Variants in CCDC88C observed in about 807,000 individuals in gnomAD.
CCDC88C encodes coiled-coil and HOOK domain protein 88C.
A neutral mutation model predicts 198.8 loss-of-function variants in CCDC88C; 131 were observed. The observed-to-expected ratio is 0.66, with a 90% CI of 0.57 to 0.76. The LOEUF is 0.76. Ranked by LOEUF, CCDC88C falls within the 30% of genes least tolerant of loss-of-function variation. The pLI is 0.00. For missense variants in CCDC88C, 2,553 were observed against 2,631.6 expected, an observed-to-expected ratio of 0.97 and a Z score of 0.65; for synonymous variants, 1,166 against 1,114.7, an observed-to-expected ratio of 1.05 and a Z score of -0.92.
In CCDC88C at chr14:91,338,536, G is replaced by T. The variant is rs760256583; in HGVS notation, c.844C>A (p.His282Asn). Residue 282 changes from histidine (H) to asparagine (N), a missense_variant, in exon 9 of 30, where the codon CAT (histidine) becomes AAT (asparagine). By Grantham distance (68) the His-to-Asn change is moderately conservative. Transcript: ENST00000389857. This position sits in a 1 kb window ranked among gnomAD's most constrained non-coding sequence, Gnocchi z 4.8. Reference sequence around the variant, plus strand: ...TCCAGCACCAGCTGGTCCACCTCATGTCTGGTGTCCACAAGCTGCTCTGTC... The same window carrying T: ...TCCAGCACCAGCTGGTCCACCTCATTTCTGGTGTCCACAAGCTGCTCTGTC... ...DKTEQLVDTR[H>N]EVDQLVLELQ... The T allele has an allele frequency of 1.7e-5, 27 of 1,572,812 alleles. No individual in the cohort carries two copies. The highest frequency in any genetic ancestry group is 5.9e-5 in the South Asian group (5 of 85,158).
At chr14:91,378,686 T>A (rs1884606183) in intron 3 of CCDC88C, 1 of 152,292 alleles carries the variant, frequency 6.6e-6, no homozygotes. Flanking sequence ...TCCTAGAGAG[T>A]ACAGTCATTG....
intron 3 of CCDC88C, among the ~76,000 whole-genome samples, chr14:91,399,098 G>A (rs1279186117): frequency 6.6e-6 from 1 of 152,144 alleles, no homozygotes; most frequent in African/African-American, 2.4e-5. Context: ...CATGTGCTCT[G>A]CCCAGCCCTA....
intron 3 of CCDC88C, chr14:91,384,361 G>T (rs149566248): frequency 2.0e-4 from 81 of 411,380 alleles, no homozygotes; most frequent in Middle Eastern, 1.6e-3. Flanking sequence ...TTGAAAATAG[G>T]CTTGTCAAAT....
chr14:91,280,331 T>C (rs887504649), intron 27 of CCDC88C, among the ~76,000 whole-genome samples: 21 of 152,188 alleles, frequency 1.4e-4, no homozygotes, highest in Admixed American at 3.9e-4. Flanking sequence ...TTCCAAGGGC[T>C]GAGGTGCTCT....
rs1894215063 is a variant in CCDC88C, at chr14:91,359,696, G to C, written c.286C>G (p.Leu96Val). 1.9e-6 allele frequency: 3 copies of C among 1,610,154 alleles called. No individual in the cohort carries two copies. Among genetic ancestry groups the C allele is most frequent in the Non-Finnish European group, 2.5e-6 (3 of 1,178,236 alleles). ...ACATTGGGCAAATTCATTACAATCA[G>C]CTGCTGGAGAACTTCCTGCAGAAAC... Reference protein sequence around the residue: ...KTYYQEVLQQLIVMNLPNVLM... With the variant: ...KTYYQEVLQQVIVMNLPNVLM... The change falls in exon 4 of 30, where the codon CTG becomes GTG. Residue 96 changes from leucine (L) to valine (V), a missense_variant. This residue lies in a region of CCDC88C where 1,260 missense variants were observed against 1,412.0 expected (regional missense o/e 0.89). Coordinates refer to ENST00000389857, the MANE Select transcript of CCDC88C (RefSeq NM_001080414.4).
At chr14:91,291,174 C>T in intron 23 of CCDC88C, 90 bp from the exon 24 acceptor site, 1 of 739,634 alleles carries the variant, frequency 1.4e-6, no homozygotes, top group East Asian at 2.7e-5. Flanking sequence ...ACCTGGTGTA[C>T]CCGGGGCTGG....
chr14:91,384,495 T>A, intron 3 of CCDC88C: 1 of 524,530 alleles, frequency 1.9e-6, no homozygotes. Flanking sequence ...CATCTCCTCC[T>A]TCTTCCCCTT....
intron 10 of CCDC88C, among the ~76,000 whole-genome samples, chr14:91,330,073 C>G (rs908756405): frequency 6.6e-6 from 1 of 152,232 alleles, no homozygotes; most frequent in African/African-American, 2.4e-5. Context: ...TGTGCTGACC[C>G]CTGAGCCACA....
chr14:91,278,830 C>G (rs1890074808), intron 28 of CCDC88C, among the ~76,000 whole-genome samples: 1 of 150,300 alleles, frequency 6.7e-6, no homozygotes, highest in Admixed American at 6.6e-5. Context: ...TTTGAAACCC[C>G]TAGTCATGTA....
intron 10 of CCDC88C, among the ~76,000 whole-genome samples, chr14:91,333,258 C>T (rs998192681): frequency 6.6e-6 from 1 of 152,178 alleles, no homozygotes; most frequent in African/African-American, 2.4e-5. Context: ...ACTTACTGTA[C>T]CCTGTTGCTT....
At position 91,273,007 on chromosome 14, in the gene CCDC88C, G is replaced by A; in HGVS notation, c.5705C>T (p.Ser1902Phe). 6.4e-7 allele frequency: 1 copy of A among 1,553,472 alleles called. No homozygotes were observed. The highest frequency in any genetic ancestry group is 1.2e-5 in the South Asian group (1 of 85,494). ...KEERLAPLHQ[S>F]ATAPAIATAG... ...AGTGGCAATGGCGGGGGCTGTGGCA[G>A]ACTGATGCAGGGGGGCCAGCCTCTC... Residue 1902 changes from serine to phenylalanine, a missense_variant, in exon 30 of 30, where the codon TCT (serine) becomes TTT (phenylalanine). Physicochemically the swap from Ser to Phe is radical, Grantham distance 155. This residue lies in a region of CCDC88C where 1,293 missense variants were observed against 1,219.6 expected (regional missense o/e 1.06). Coordinates refer to ENST00000389857, the MANE Select transcript of CCDC88C (RefSeq NM_001080414.4). This position sits in a 1 kb window ranked among gnomAD's most constrained non-coding sequence, Gnocchi z 5.6.
chr14:91,334,171 T>C (rs1344382385), intron 10 of CCDC88C, among the ~76,000 whole-genome samples: 1 of 152,272 alleles, frequency 6.6e-6, no homozygotes. Flanking sequence ...TTTTATTTTC[T>C]GCATAAACAT....
chr14:91,415,481 T>G (rs1332176719), intron 2 of CCDC88C, among the ~76,000 whole-genome samples: 1 of 152,052 alleles, frequency 6.6e-6, no homozygotes, highest in Non-Finnish European at 1.5e-5. Flanking sequence ...TCCCAGCACT[T>G]TGGGAGGCCA....
At chr14:91,376,249 T>C (rs1371717986) in intron 3 of CCDC88C, among the ~76,000 whole-genome samples, 3 of 152,200 alleles carry the variant, frequency 2.0e-5, no homozygotes, top group East Asian at 3.8e-4. Flanking sequence ...GGCATATGCA[T>C]GTCTGGCTGG....
chr14:91,371,492 C>T lies in CCDC88C; in HGVS notation c.271-11781G>A, dbSNP rs377452496. 7.2e-5 allele frequency among the ~76,000 whole-genome samples: 11 copies of T among 152,048 alleles called. No homozygotes were observed. In the South Asian group the frequency reaches 2.1e-3, roughly 29 times the overall value. On this transcript the variant is annotated intron_variant, in intron 3 of 29. Transcript: ENST00000389857. This position sits in a 1 kb window ranked among gnomAD's most constrained non-coding sequence, Gnocchi z 4.2. ...CCCGCCGGTGGCAGGAGTACAGAGG[C>T]CGGCGGTGGCAGGAGTACAGCACAG...
chr14:91,320,181 G>C (rs78626820), intron 13 of CCDC88C, among the ~76,000 whole-genome samples: 4,370 of 152,312 alleles, frequency 0.029, 91 homozygotes, highest in Non-Finnish European at 0.041. Context: ...GAGAGCCTCA[G>C]GATGGGAGCT....
At chr14:91,279,215 G>C in intron 28 of CCDC88C, 23 bp downstream of exon 28, 1 of 1,568,544 alleles carries the variant, frequency 6.4e-7, no homozygotes. Flanking sequence ...ATTTTTAAAA[G>C]TACACAGAAG....
chr14:91,387,497 G>A (rs1885216460), intron 3 of CCDC88C, among the ~76,000 whole-genome samples: 2 of 152,154 alleles, frequency 1.3e-5, no homozygotes, highest in Non-Finnish European at 2.9e-5. Flanking sequence ...GACAGTTGCC[G>A]CCTATAAGAG....
chr14:91,391,060 C>T (rs114126824), intron 3 of CCDC88C, among the ~76,000 whole-genome samples: 308 of 152,200 alleles, frequency 2.0e-3, no homozygotes, highest in African/African-American at 7.0e-3. Context: ...GTCCTAACAC[C>T]CACTGCCTTC....
Sources: allele counts gnomAD v4.1 joint callset (sites outside exome capture counted in the v4.1 genomes callset), GRCh38; gene constraint gnomAD v4.1.1; regional missense constraint gnomAD v4.1.1; non-coding constraint Gnocchi (gnomAD v3.1); transcripts MANE v1.5; gene names NCBI Gene and HGNC (gene_info 2026-07-23, HGNC 2026-07-21).